The following WSCD2 variants were observed in gnomAD, a reference collection of about 807,000 sequenced individuals.
WSCD2 encodes the protein sialate:O-sulfotransferase 2.
A neutral mutation model predicts 55.7 loss-of-function variants in WSCD2; 28 were observed. The observed-to-expected ratio is 0.50, with a 90% CI of 0.37 to 0.69. The LOEUF is 0.69. WSCD2 is among the 30% of genes least tolerant of loss of function. The pLI is 0.00. For synonymous variants in WSCD2, 301 were observed against 301.9 expected, an observed-to-expected ratio of 1.00 and a Z score of 0.03; for missense variants, 616 against 762.1, an observed-to-expected ratio of 0.81 and a Z score of 2.26.
At chr12:108,183,934 G>T (rs1024951617) in intron 1 of WSCD2, among the ~76,000 whole-genome samples, 1 of 152,218 alleles carries the variant, frequency 6.6e-6, no homozygotes, top group Non-Finnish European at 1.5e-5. Flanking sequence ...AGCCCCTGGG[G>T]AGAGGCAATG....
At chr12:108,203,434 T>C (rs1884956472) in intron 2 of WSCD2, among the ~76,000 whole-genome samples, 1 of 152,114 alleles carries the variant, frequency 6.6e-6, no homozygotes, top group Admixed American at 6.5e-5. Flanking sequence ...CCTCCCAGCT[T>C]TACTCTATCA....
chr12:108,232,371 A>G (rs1284010920), intron 6 of WSCD2, among the ~76,000 whole-genome samples: 2 of 152,134 alleles, frequency 1.3e-5, no homozygotes, highest in Admixed American at 1.3e-4. Context: ...ATCTGGAGGA[A>G]AGGGTAGGGG....
Position 108,248,716 on chromosome 12 carries a change from C to T in WSCD2, c.*373C>T. 2.0e-6 allele frequency: 2 copies of T among 1,023,106 alleles called. No homozygotes were observed. Among genetic ancestry groups the T allele is most frequent in the Middle Eastern group, 4.9e-4 (1 of 2,034 alleles). The allele number at this position is 1,023,106 out of a possible 1,614,324, so 63.4% of individuals were successfully genotyped here. ...ATGCCCCATGGCAATTGTCAAGGCT[C>T]TTGATGCAAGAGCCCAGGGGGCTAT... On this transcript the variant is annotated 3_prime_UTR_variant, in exon 9 of 9. Transcript: ENST00000547525. The surrounding 1 kb of genome is among the most constrained non-coding windows in gnomAD (Gnocchi z 4.3).
Position 108,226,995 on chromosome 12 carries a change from C to T in WSCD2, c.810C>T (p.Tyr270=), listed in dbSNP as rs1380399058. 2 of 1,613,232 alleles carry T rather than the reference C, an allele frequency of 1.2e-6. No individual in the cohort carries two copies. The highest frequency in any genetic ancestry group is 8.5e-7 in the Non-Finnish European group (1 of 1,179,560). The part of the protein sequence containing the change: ...KCVDFCTEKE[Y]PLAALAGTAC... ...TTCTCCCACTCCATCCCCAGGAGTACCCGCTGGCAGCTCTTGCAGGCACCG... is the reference window on the plus strand; with the variant it reads ...TTCTCCCACTCCATCCCCAGGAGTATCCGCTGGCAGCTCTTGCAGGCACCG... The change falls in exon 6 of 9, where the codon TAC becomes TAT. Residue 270 remains tyrosine, a synonymous_variant. Coordinates refer to ENST00000547525, the MANE Select transcript of WSCD2 (RefSeq NM_014653.4).
intron 1 of WSCD2, among the ~76,000 whole-genome samples, chr12:108,192,257 C>T (rs189240424): frequency 7.2e-5 from 11 of 152,326 alleles, no homozygotes; most frequent in Admixed American, 7.2e-4. Flanking sequence ...CAGCAACATA[C>T]TTTTTAGGGG....
At chr12:108,161,646 G>C (rs1375173619) in intron 1 of WSCD2, among the ~76,000 whole-genome samples, 4 of 152,224 alleles carry the variant, frequency 2.6e-5, no homozygotes, top group Non-Finnish European at 5.9e-5. Flanking sequence ...AATTTCTGCT[G>C]TTTAAGCCAC....
chr12:108,207,667 G>A (rs932700677), intron 3 of WSCD2, among the ~76,000 whole-genome samples: 1 of 150,844 alleles, frequency 6.6e-6, no homozygotes, highest in African/African-American at 2.4e-5. Flanking sequence ...GATTACAGGT[G>A]TGAGGCACCA....
At chr12:108,213,295 A>G (rs1886447795) in intron 4 of WSCD2, among the ~76,000 whole-genome samples, 1 of 152,210 alleles carries the variant, frequency 6.6e-6, no homozygotes, top group South Asian at 2.1e-4. Flanking sequence ...ACAGACCCAG[A>G]GGGCTGCGGG....
chr12:108,222,457 G>A (rs1565980524), intron 4 of WSCD2, among the ~76,000 whole-genome samples: 1 of 152,228 alleles, frequency 6.6e-6, no homozygotes, highest in Non-Finnish European at 1.5e-5. Flanking sequence ...GAAGTGCTCA[G>A]CAGAGCAGAT....
chr12:108,144,766 T>C (rs907529968), intron 1 of WSCD2, among the ~76,000 whole-genome samples: 2 of 152,132 alleles, frequency 1.3e-5, no homozygotes, highest in African/African-American at 4.8e-5. Flanking sequence ...GAGCACTCAC[T>C]CCATACCAGG....
intron 1 of WSCD2, among the ~76,000 whole-genome samples, chr12:108,154,739 A>C (rs2136923130): frequency 6.6e-6 from 1 of 152,292 alleles, no homozygotes; most frequent in Admixed American, 6.5e-5. Context: ...TAATGTCCAC[A>C]AACTCCAGCA....
intron 7 of WSCD2, among the ~76,000 whole-genome samples, chr12:108,238,713 T>C (rs1285245580): frequency 6.6e-6 from 1 of 152,190 alleles, no homozygotes; most frequent in Non-Finnish European, 1.5e-5. Context: ...AATGACTCAT[T>C]GGGTTGTAAA....
intron 1 of WSCD2, among the ~76,000 whole-genome samples, chr12:108,181,872 T>A (rs531784824): frequency 6.6e-6 from 1 of 152,216 alleles, no homozygotes. Flanking sequence ...CCTGGCCCCA[T>A]GGTAAGCATT....
At chr12:108,223,403 C>T (rs1166185156) in intron 4 of WSCD2, among the ~76,000 whole-genome samples, 1 of 152,140 alleles carries the variant, frequency 6.6e-6, no homozygotes, top group Non-Finnish European at 1.5e-5. Context: ...AACTTTGTAT[C>T]TTAAACACAT....
intron 1 of WSCD2, among the ~76,000 whole-genome samples, chr12:108,130,216 G>A (rs987965871): frequency 6.6e-5 from 10 of 152,328 alleles, no homozygotes; most frequent in African/African-American, 2.4e-4. Flanking sequence ...ATGCATTCAA[G>A]GGCTTCTCCC....
chr12:108,220,140 G>A (rs894772621), intron 4 of WSCD2, among the ~76,000 whole-genome samples: 1 of 152,204 alleles, frequency 6.6e-6, no homozygotes, highest in Non-Finnish European at 1.5e-5. Context: ...ACATTCCTAG[G>A]TTGGAATCCA....
intron 1 of WSCD2, among the ~76,000 whole-genome samples, chr12:108,181,993 T>C (rs1251896116): frequency 5.9e-5 from 9 of 152,248 alleles, no homozygotes; most frequent in Admixed American, 5.9e-4. Context: ...AATGGTTTCC[T>C]CAGCTTTCTC....
chr12:108,184,618 G>A (rs1837308171), intron 1 of WSCD2, among the ~76,000 whole-genome samples: 1 of 152,114 alleles, frequency 6.6e-6, no homozygotes, highest in East Asian at 1.9e-4. Context: ...GTGTGACTCT[G>A]GACCACTCCT....
chr12:108,247,345 T>C (rs1352176956), intron 8 of WSCD2, among the ~76,000 whole-genome samples: 1 of 150,518 alleles, frequency 6.6e-6, no homozygotes, highest in East Asian at 1.9e-4. Context: ...ACATAAATAA[T>C]ATATAACATA....
Sources: allele counts gnomAD v4.1 joint callset (sites outside exome capture counted in the v4.1 genomes callset), GRCh38; gene constraint gnomAD v4.1.1; non-coding constraint Gnocchi (gnomAD v3.1); transcripts MANE v1.5; gene names NCBI Gene and HGNC (gene_info 2026-07-23, HGNC 2026-07-21).